MAN1C1: variants seen among roughly 807,000 people sequenced by gnomAD.
MAN1C1 encodes mannosidase alpha class 1C member 1.
In MAN1C1, 49 loss-of-function variants were observed where a neutral mutation model predicts 71.5. The observed-to-expected ratio is 0.69, with a 90% CI of 0.54 to 0.87. The LOEUF (loss-of-function observed/expected upper bound fraction) is 0.87. MAN1C1 is among the 40% of genes least tolerant of loss of function. MAN1C1 has a pLI of 0.00. For synonymous variants in MAN1C1, 352 were observed against 343.7 expected (o/e 1.02, Z -0.27); for missense variants, 743 against 835.0 (o/e 0.89, Z 1.36).
At chr1:25,620,508 C>T (rs1003148841) in intron 1 of MAN1C1, among the ~76,000 whole-genome samples, 7 of 152,170 alleles carry the variant, frequency 4.6e-5, no homozygotes, top group African/African-American at 1.2e-4. Flanking sequence ...CCAGGAAGAA[C>T]GCATATGATG....
In MAN1C1 at chr1:25,656,095, C is replaced by CTTTTTTTTTTT. The variant is rs59710145; in HGVS notation, c.541-30333_541-30323dup. Among the ~76,000 whole-genome samples, 32 of 74,978 alleles carry CTTTTTTTTTTT rather than the reference C, an allele frequency of 4.3e-4. 6 individuals are homozygous for CTTTTTTTTTTT. Among genetic ancestry groups the CTTTTTTTTTTT allele is most frequent in the African/African-American group, 1.7e-3 (21 of 12,208 alleles). 49.2% of individuals were successfully genotyped at this position (74,978 alleles called of 152,430 possible). On this transcript the variant is annotated intron_variant, in intron 1 of 11. Transcript: ENST00000374332. ...TATGTCTTAGGTTGGGATTATCAGTCTTTTTTTTTTTTTTTTTTTTTTGAG... is the reference window on the plus strand; with the variant it reads ...TATGTCTTAGGTTGGGATTATCAGTCTTTTTTTTTTTTTTTTTTTTTTTTTTTTTTTTTGAG...
intron 1 of MAN1C1, among the ~76,000 whole-genome samples, chr1:25,661,094 T>A (rs1024660442): frequency 9.2e-5 from 14 of 152,178 alleles, no homozygotes; most frequent in Non-Finnish European, 1.5e-4. Context: ...TTTTTTTTTT[T>A]AATTTCAGTT....
At chr1:25,649,005 C>G (rs944410040) in intron 1 of MAN1C1, among the ~76,000 whole-genome samples, 1 of 152,366 alleles carries the variant, frequency 6.6e-6, no homozygotes, top group Non-Finnish European at 1.5e-5. Context: ...CTGTCAGCAA[C>G]TGAACAGGGG....
At chr1:25,676,719 G>A (rs1353457304) in intron 1 of MAN1C1, among the ~76,000 whole-genome samples, 1 of 152,192 alleles carries the variant, frequency 6.6e-6, no homozygotes, top group Non-Finnish European at 1.5e-5. Context: ...TGTCTTTAAT[G>A]ACTGGGAAAA....
In MAN1C1 at chr1:25,682,279, G is replaced by A. The variant is rs148501216; in HGVS notation, c.541-4161G>A. Among the ~76,000 whole-genome samples the A allele has an allele frequency of 8.3e-3, 1,260 of 152,308 alleles. 9 individuals are homozygous for A. Among genetic ancestry groups the A allele is most frequent in the Middle Eastern group, 0.014 (4 of 294 alleles). On this transcript the variant is annotated intron_variant, in intron 1 of 11. Coordinates refer to ENST00000374332, the MANE Select transcript of MAN1C1 (RefSeq NM_020379.4). ...GATTATGCAAAGCAGGCAGACACAC[G>A]TGTTGAATAAGATCTTGTTCCAGAA...
At chr1:25,689,975 G>T (rs2046285282) in intron 2 of MAN1C1, among the ~76,000 whole-genome samples, 1 of 152,202 alleles carries the variant, frequency 6.6e-6, no homozygotes, top group Non-Finnish European at 1.5e-5. Context: ...ATTTACAGGA[G>T]CTGCAGCGAG....
At chr1:25,709,280 C>G (rs948005519) in intron 2 of MAN1C1, among the ~76,000 whole-genome samples, 12 of 152,130 alleles carry the variant, frequency 7.9e-5, no homozygotes, top group Non-Finnish European at 1.3e-4. Flanking sequence ...GCAGTAAGAC[C>G]GGCTAAGCTA....
chr1:25,710,684 G>A (rs1251325244), intron 2 of MAN1C1, among the ~76,000 whole-genome samples: 1 of 152,208 alleles, frequency 6.6e-6, no homozygotes, highest in Non-Finnish European at 1.5e-5. Flanking sequence ...CTCAGAGGTA[G>A]CAGGATAGGA....
chr1:25,644,178 G>T (rs189421794), intron 1 of MAN1C1, among the ~76,000 whole-genome samples: 1 of 152,114 alleles, frequency 6.6e-6, no homozygotes, highest in Non-Finnish European at 1.5e-5. Context: ...AGCCATGGGC[G>T]TGGGGGAAAG....
At chr1:25,689,864 T>G (rs2046283409) in intron 2 of MAN1C1, among the ~76,000 whole-genome samples, 1 of 152,206 alleles carries the variant, frequency 6.6e-6, no homozygotes, top group South Asian at 2.1e-4. Context: ...GGTGCTCGGC[T>G]TGGACACTGG....
At chr1:25,780,726 C>T in intron 9 of MAN1C1, 1 of 534,352 alleles carries the variant, frequency 1.9e-6, no homozygotes, top group Non-Finnish European at 3.4e-6. Context: ...TTTCCAGTCC[C>T]CGAGGGTCTT....
intron 2 of MAN1C1, among the ~76,000 whole-genome samples, chr1:25,726,660 A>T (rs1481555527): frequency 6.6e-6 from 1 of 152,166 alleles, no homozygotes; most frequent in African/African-American, 2.4e-5. Flanking sequence ...TTTGCTGTGC[A>T]GCTTTGGACA....
At chr1:25,619,173 T>C (rs748040354) in intron 1 of MAN1C1, among the ~76,000 whole-genome samples, 20 of 152,306 alleles carry the variant, frequency 1.3e-4, no homozygotes, top group Admixed American at 4.6e-4. Context: ...AATATTCTGC[T>C]GGACCACTGT....
chr1:25,626,704 CTT>C (rs1425567576), intron 1 of MAN1C1, among the ~76,000 whole-genome samples: 1 of 152,000 alleles, frequency 6.6e-6, no homozygotes, highest in African/African-American at 2.4e-5. Context: ...CTGTTTAAAA[CTT>C]TTGTTCTTTT....
chr1:25,692,506 G>A (rs1460001936), intron 2 of MAN1C1, among the ~76,000 whole-genome samples: 3 of 152,186 alleles, frequency 2.0e-5, no homozygotes, highest in Non-Finnish European at 2.9e-5. Flanking sequence ...GAGCCACTGC[G>A]TCCAGCCCAT....
At chr1:25,687,015 C>T (rs2046240816) in intron 2 of MAN1C1, among the ~76,000 whole-genome samples, 2 of 152,150 alleles carry the variant, frequency 1.3e-5, no homozygotes, top group Non-Finnish European at 1.5e-5. Flanking sequence ...GTGGCCTTCA[C>T]CTGTAGTACC....
At chr1:25,781,723 G>C (rs1380643410) in intron 10 of MAN1C1, among the ~76,000 whole-genome samples, 2 of 151,830 alleles carry the variant, frequency 1.3e-5, no homozygotes, top group African/African-American at 4.8e-5. Flanking sequence ...CCCATTCCGA[G>C]CATTGCACTC....
rs2046889410 is a variant in MAN1C1 at position 25,730,101 on chromosome 1, T to C, written c.638-16567T>C. Among the ~76,000 whole-genome samples, 2 of 152,186 alleles carry C rather than the reference T, an allele frequency of 1.3e-5. No homozygotes were observed. Among genetic ancestry groups the C allele is most frequent in the South Asian group, 4.1e-4 (2 of 4,834 alleles). ...TGCATCCTAGAATCTTCCTCACCAC[T>C]GTCCCCACCAGCACCAAGGCCAAGG... is the stretch of plus-strand genomic sequence containing the variant. On this transcript the variant is annotated intron_variant, in intron 2 of 11. Coordinates refer to ENST00000374332, the MANE Select transcript of MAN1C1 (RefSeq NM_020379.4). This position sits in a 1 kb window ranked among gnomAD's most constrained non-coding sequence, Gnocchi z 4.3.
chr1:25,725,573 G>A lies in MAN1C1; in HGVS notation c.638-21095G>A, dbSNP rs2046821481. On this transcript the variant is annotated intron_variant, in intron 2 of 11. Transcript: ENST00000374332. The surrounding 1 kb of genome is among the most constrained non-coding windows in gnomAD (Gnocchi z 4.8). The stretch of plus-strand genomic sequence containing the variant: ...GTGGCGTGAGAGTACAGGAGTACTT[G>A]TTAGGGGTCCACTAGAGCAAGCCTG... 6.6e-6 allele frequency among the ~76,000 whole-genome samples: 1 copy of A among 152,192 alleles called. No homozygotes were observed. The highest frequency in any genetic ancestry group is 1.5e-5 in the Non-Finnish European group (1 of 68,022).
Sources: gnomAD v4.1 joint callset for allele counts (sites outside exome capture counted in the v4.1 genomes callset) on GRCh38, gnomAD v4.1.1 for gene constraint, Gnocchi (gnomAD v3.1) non-coding constraint, MANE v1.5 for transcripts, NCBI Gene and HGNC (gene_info 2026-07-23, HGNC 2026-07-21) for gene names.